GPRC5B: variants seen among roughly 807,000 people sequenced by gnomAD.
GPRC5B encodes G protein-coupled receptor family C group 5 member B.
In GPRC5B, 16 loss-of-function variants were observed where a neutral mutation model predicts 30.1. That is an observed-to-expected ratio of 0.53 (90% CI 0.36 to 0.81). GPRC5B has a LOEUF of 0.81. GPRC5B is among the 30% of genes least tolerant of loss of function. The pLI, the probability that GPRC5B is intolerant of heterozygous loss-of-function variation, is 0.01. For missense variants in GPRC5B, 428 were observed against 544.7 expected (o/e 0.79, Z 2.13); for synonymous variants, 241 against 239.5 (o/e 1.01, Z -0.06).
chr16:19,871,931 G>A lies in GPRC5B; in HGVS notation c.915C>T (p.Pro305=). 1 of 1,614,050 alleles carries A rather than the reference G, an allele frequency of 6.2e-7. No individual in the cohort carries two copies. Among genetic ancestry groups the A allele is most frequent in the African/African-American group, 1.3e-5 (1 of 75,038 alleles). ...TGGGCTGCGACGTGTCGAAGTAGTT[G>A]GGCGTGTTCTCCTGCAGGGCTGGCA... is the stretch of plus-strand genomic sequence containing the variant. ...TLLPALQENT[P]NYFDTSQPRM... Residue 305 remains proline (P), a synonymous_variant, in exon 2 of 4, where the codon CCC becomes CCT. Coordinates refer to ENST00000300571, the MANE Select transcript of GPRC5B (RefSeq NM_016235.3).
chr16:19,877,220 C>T (rs1205526031), intron 1 of GPRC5B, among the ~76,000 whole-genome samples: 1 of 152,210 alleles, frequency 6.6e-6, no homozygotes, highest in Non-Finnish European at 1.5e-5. Flanking sequence ...CTAGTCTATG[C>T]AGTTCCGGCA....
At chr16:19,874,994 A>G (rs899124196) in intron 1 of GPRC5B, among the ~76,000 whole-genome samples, 20 of 150,620 alleles carry the variant, frequency 1.3e-4, no homozygotes, top group Admixed American at 8.0e-4. Context: ...AGCTCAACCC[A>G]CGTGTGGGGT....
In GPRC5B at chr16:19,872,209, C is replaced by A; in HGVS notation, c.637G>T (p.Val213Phe). 8 of 1,614,182 alleles carry A rather than the reference C, an allele frequency of 5.0e-6. No homozygotes were observed. Among genetic ancestry groups the A allele is most frequent in the Non-Finnish European group, 6.8e-6 (8 of 1,180,028 alleles). ...ALIYDMVLLV[V>F]TLGLALFTLC... ...GTGAAGAGGGCCAGCCCCAGGGTGA[C>A]CACAAGCAGTACCATGTCGTAGATG... The change falls in exon 2 of 4, where the codon GTC becomes TTC. Residue 213 changes from valine to phenylalanine, a missense_variant. Around this residue, in one of 3 missense-constraint regions of GPRC5B, gnomAD observed 213 missense variants for 229.1 expected, o/e 0.93. Transcript: ENST00000300571. This position sits in a 1 kb window ranked among gnomAD's most constrained non-coding sequence, Gnocchi z 5.0.
At chr16:19,878,952 A>T (rs1303348375) in intron 1 of GPRC5B, among the ~76,000 whole-genome samples, 1 of 152,314 alleles carries the variant, frequency 6.6e-6, no homozygotes, top group Middle Eastern at 3.4e-3. Flanking sequence ...CCAGTGCTGC[A>T]GGCGATGTGG....
chr16:19,866,326 G>C (rs1481947176), intron 2 of GPRC5B, among the ~76,000 whole-genome samples: 1 of 151,804 alleles, frequency 6.6e-6, no homozygotes, highest in African/African-American at 2.4e-5. Context: ...CTGGGCAAAG[G>C]GATTTTAAGA....
At chr16:19,885,586 C>G, upstream of GPRC5B, 1 of 1,058,842 alleles carries the variant, frequency 9.4e-7, no homozygotes, top group Non-Finnish European at 1.1e-6. This position sits in a 1 kb window ranked among gnomAD's most constrained non-coding sequence, Gnocchi z 5.3. Context: ...CCACCCCTAC[C>G]GCACACATCA....
At chr16:19,863,043 G>A (rs1303725861) in intron 2 of GPRC5B, among the ~76,000 whole-genome samples, 1 of 152,184 alleles carries the variant, frequency 6.6e-6, no homozygotes, top group African/African-American at 2.4e-5. Flanking sequence ...ATACAGTTAA[G>A]CTTCACAGAG....
intron 1 of GPRC5B, among the ~76,000 whole-genome samples, chr16:19,881,608 C>T (rs976392557): frequency 6.6e-6 from 1 of 152,072 alleles, no homozygotes; most frequent in African/African-American, 2.4e-5. Context: ...ATGGTGAAAC[C>T]CTGTCTCTAT....
At chr16:19,862,562 C>G (rs772120349) in intron 2 of GPRC5B, among the ~76,000 whole-genome samples, 6 of 152,136 alleles carry the variant, frequency 3.9e-5, no homozygotes, top group Non-Finnish European at 7.4e-5. Flanking sequence ...TTTGAACTTC[C>G]TTTTTGTTAA....
At chr16:19,865,712 G>A (rs1217960654) in intron 2 of GPRC5B, among the ~76,000 whole-genome samples, 2 of 152,144 alleles carry the variant, frequency 1.3e-5, no homozygotes, top group Non-Finnish European at 2.9e-5. Flanking sequence ...ATCGTTGAGA[G>A]TCAGAAGCAG....
Position 19,872,051 on chromosome 16 carries a change from A to T in GPRC5B, c.795T>A (p.Asp265Glu). The T allele has an allele frequency of 1.9e-6, 3 of 1,614,020 alleles. No homozygotes were observed. The highest frequency in any genetic ancestry group is 2.5e-6 in the Non-Finnish European group (3 of 1,179,990). ...TGGCCAAGGTGGGGTCGTTCCAGGC[A>T]TCCCCCTGCTGCAGCTTGACATTGC... ...LFGNVKLQQG[D>E]AWNDPTLAIT... The change falls in exon 2 of 4, where the codon GAT becomes GAA. Residue 265 changes from aspartate (D) to glutamate (E), a missense_variant. By Grantham distance (45) the Asp-to-Glu change is conservative (BLOSUM62 2). This residue lies in a region of GPRC5B where 213 missense variants were observed against 229.1 expected (regional missense o/e 0.93). Transcript: ENST00000300571. This position sits in a 1 kb window ranked among gnomAD's most constrained non-coding sequence, Gnocchi z 5.0.
At chr16:19,885,418 G>T (rs2056842591), upstream of GPRC5B, 2 of 1,156,910 alleles carry the variant, frequency 1.7e-6, no homozygotes, top group South Asian at 1.6e-5. This position sits in a 1 kb window ranked among gnomAD's most constrained non-coding sequence, Gnocchi z 5.3. Flanking sequence ...CTCCAGGCAG[G>T]TTCCTCCTGG....
At chr16:19,867,865 C>T (rs570866074) in intron 2 of GPRC5B, among the ~76,000 whole-genome samples, 1 of 152,196 alleles carries the variant, frequency 6.6e-6, no homozygotes, top group African/African-American at 2.4e-5. Flanking sequence ...GCCTGGCCAA[C>T]ATAGTGAAAG....
At chr16:19,884,090 C>CT (rs1286518762) in intron 1 of GPRC5B, among the ~76,000 whole-genome samples, 4 of 140,782 alleles carry the variant, frequency 2.8e-5, no homozygotes, top group Non-Finnish European at 4.7e-5. Context: ...ACTGCCCCCC[C>CT]CGCCATTGTA....
chr16:19,856,762 C>T lies in GPRC5B; in HGVS notation c.*3738G>A. On this transcript the variant is annotated 3_prime_UTR_variant, in exon 4 of 4. Coordinates refer to ENST00000300571, the MANE Select transcript of GPRC5B (RefSeq NM_016235.3). Reference sequence around the variant, plus strand: ...CCAGTCTTCACTTTCTGCATTATCCCCACATTTTATTCATTCATCCAGATT... The same window carrying T: ...CCAGTCTTCACTTTCTGCATTATCCTCACATTTTATTCATTCATCCAGATT... The T allele has an allele frequency of 1.8e-6, 1 of 542,014 alleles. No homozygotes were observed. The highest frequency in any genetic ancestry group is 3.1e-5 in the East Asian group (1 of 32,420). 33.6% of individuals were successfully genotyped at this position (542,014 alleles called of 1,614,324 possible).
chr16:19,885,566 A>G, upstream of GPRC5B: 2 of 1,077,456 alleles, frequency 1.9e-6, no homozygotes, highest in Non-Finnish European at 2.3e-6. This position sits in a 1 kb window ranked among gnomAD's most constrained non-coding sequence, Gnocchi z 5.3. Context: ...GTCCCTACGC[A>G]GGATCGCCAC....
chr16:19,876,300 T>C (rs2056758677), intron 1 of GPRC5B, among the ~76,000 whole-genome samples: 4 of 152,194 alleles, frequency 2.6e-5, no homozygotes, highest in Non-Finnish European at 5.9e-5. Context: ...ATCAGGGGGA[T>C]AGAGACCAGC....
intron 2 of GPRC5B, among the ~76,000 whole-genome samples, chr16:19,863,935 AC>A (rs1306130870): frequency 6.6e-6 from 1 of 151,424 alleles, no homozygotes; most frequent in African/African-American, 2.4e-5. Flanking sequence ...CCGCCCCCCA[AC>A]CCCCCCGCAA....
chr16:19,860,740 A>C (rs1024985812), intron 3 of GPRC5B, among the ~76,000 whole-genome samples, 196 bp from the exon 4 acceptor site: 1 of 152,166 alleles, frequency 6.6e-6, no homozygotes, highest in Non-Finnish European at 1.5e-5. Flanking sequence ...TCCCTTTTCT[A>C]TAACCATCCA....
Sources: gnomAD v4.1 joint callset for allele counts (sites outside exome capture counted in the v4.1 genomes callset) on GRCh38, gnomAD v4.1.1 for gene constraint, gnomAD v4.1.1 regional missense constraint, Gnocchi (gnomAD v3.1) non-coding constraint, MANE v1.5 for transcripts, NCBI Gene and HGNC (gene_info 2026-07-23, HGNC 2026-07-21) for gene names.